Variants in CDC14B observed in about 807,000 individuals in gnomAD.
The protein encoded by CDC14B is dual specificity protein phosphatase CDC14B.
A neutral mutation model predicts 64.2 loss-of-function variants in CDC14B; 22 were observed. That is an observed-to-expected ratio of 0.34 (90% CI 0.24 to 0.49). The LOEUF (loss-of-function observed/expected upper bound fraction) is 0.49, where lower values mean the gene tolerates loss of function less well. CDC14B is among the 20% of genes least tolerant of loss of function. The pLI, the probability that CDC14B is intolerant of heterozygous loss-of-function variation, is 0.99. For missense variants in CDC14B, 498 were observed against 629.9 expected (o/e 0.79, Z 2.24); for synonymous variants, 191 against 215.8 (o/e 0.89, Z 1.01).
chr9:96,505,147 C>T lies in CDC14B; in HGVS notation c.1461-1358G>A, dbSNP rs561107316. On this transcript the variant is annotated intron_variant, in intron 13 of 13. Transcript: ENST00000375241. ...AGTGAGCCAAGATCGCACCACAGCA[C>T]TCCAGCCTGGGTAACAGAGTGAGAC... Among the ~76,000 whole-genome samples, 204 of 151,010 alleles carry T rather than the reference C, an allele frequency of 1.4e-3. 1 individual carries two copies. Among genetic ancestry groups the T allele is most frequent in the Middle Eastern group, 0.01 (3 of 292 alleles).
intron 9 of CDC14B, among the ~76,000 whole-genome samples, chr9:96,526,806 C>T (rs1029246421): frequency 3.9e-5 from 6 of 152,254 alleles, no homozygotes; most frequent in East Asian, 1.9e-4. Flanking sequence ...TTAGCAGCAT[C>T]GCTGATCTCT....
intron 7 of CDC14B, among the ~76,000 whole-genome samples, chr9:96,536,326 T>G (rs1839260956): frequency 6.6e-6 from 1 of 152,182 alleles, no homozygotes; most frequent in Non-Finnish European, 1.5e-5. Flanking sequence ...TATTATTCAT[T>G]AATAGCACAC....
intron 5 of CDC14B, among the ~76,000 whole-genome samples, chr9:96,550,562 G>A (rs573801207): frequency 3.3e-5 from 5 of 152,098 alleles, no homozygotes; most frequent in Non-Finnish European, 7.4e-5. Flanking sequence ...ATCCTAATAC[G>A]ATAAACTAAC....
chr9:96,534,739 TC>T (rs1384376433), intron 7 of CDC14B, among the ~76,000 whole-genome samples, 197 bp from the exon 8 acceptor site: 1 of 152,222 alleles, frequency 6.6e-6, no homozygotes, highest in Non-Finnish European at 1.5e-5. Context: ...CTGTTCCTAA[TC>T]ATCTTCTTTT....
intron 1 of CDC14B, among the ~76,000 whole-genome samples, chr9:96,577,583 T>C (rs184411566): frequency 1.8e-4 from 28 of 152,302 alleles, no homozygotes; most frequent in African/African-American, 5.8e-4. Context: ...GACTGCTTTG[T>C]GGTTAAGTGA....
intron 9 of CDC14B, among the ~76,000 whole-genome samples, chr9:96,526,812 T>C (rs1837638499): frequency 6.6e-6 from 1 of 152,256 alleles, no homozygotes; most frequent in African/African-American, 2.4e-5. Context: ...GCATCGCTGA[T>C]CTCTACCCAC....
chr9:96,497,630 G>A (rs1280132363), downstream of CDC14B, among the ~76,000 whole-genome samples: 1 of 152,204 alleles, frequency 6.6e-6, no homozygotes, highest in Non-Finnish European at 1.5e-5. Context: ...GAGAGGAGCG[G>A]GCAGCGGCGA....
chr9:96,587,724 A>G (rs1845538132), intron 1 of CDC14B, among the ~76,000 whole-genome samples: 1 of 152,188 alleles, frequency 6.6e-6, no homozygotes, highest in South Asian at 2.1e-4. Context: ...AGGCGGCACC[A>G]AGGAAGAGTA....
intron 3 of CDC14B, among the ~76,000 whole-genome samples, chr9:96,564,270 A>G (rs921213482): frequency 2.0e-5 from 3 of 152,212 alleles, no homozygotes; most frequent in African/African-American, 7.2e-5. Context: ...AGCCTTAATG[A>G]CATGCTTATT....
rs16911366 is a variant in CDC14B, at chr9:96,588,260, T to C, written c.161-22777A>G. ...CAAAGGAGTGTGCTGCTTTTACTTA[T>C]AAGCCGGCTTTTACAACAACACATT... On this transcript the variant is annotated intron_variant, in intron 1 of 13. Coordinates refer to ENST00000375241, the MANE Select transcript of CDC14B (RefSeq NM_033331.4). 9.9e-4 allele frequency among the ~76,000 whole-genome samples: 150 copies of C among 152,276 alleles called. 1 individual carries two copies. The Middle Eastern group carries it at 0.01, about 10-fold the overall frequency.
chr9:96,537,794 C>A (rs1174460996), intron 7 of CDC14B, among the ~76,000 whole-genome samples: 1 of 152,092 alleles, frequency 6.6e-6, no homozygotes, highest in East Asian at 1.9e-4. Flanking sequence ...GTGATCTTGG[C>A]TCACGGCAAC....
chr9:96,600,551 G>A (rs2118812574), intron 1 of CDC14B, among the ~76,000 whole-genome samples: 1 of 151,906 alleles, frequency 6.6e-6, no homozygotes, highest in South Asian at 2.1e-4. Context: ...TGCCCAGGCT[G>A]GAGTGCAATG....
In CDC14B at chr9:96,547,653, A is replaced by C. The variant is rs550996912; in HGVS notation, c.497+4143T>G. ...TTCCCCAAAGAGAAATGGTCTTGCT[A>C]TGCTGCAAGGCTGATCTTCCAAATC... On this transcript the variant is annotated intron_variant, in intron 5 of 13. Coordinates refer to ENST00000375241, the MANE Select transcript of CDC14B (RefSeq NM_033331.4). 1.1e-4 allele frequency among the ~76,000 whole-genome samples: 17 copies of C among 152,060 alleles called. No homozygotes were observed. In the South Asian group the frequency reaches 1.9e-3, roughly 17 times the overall value.
intron 9 of CDC14B, among the ~76,000 whole-genome samples, chr9:96,527,017 T>C (rs1162755614): frequency 2.0e-5 from 3 of 152,208 alleles, no homozygotes; most frequent in African/African-American, 7.2e-5. Context: ...ATACATAAAA[T>C]TTACCATTTT....
chr9:96,586,338 G>C (rs1366814249), intron 1 of CDC14B, among the ~76,000 whole-genome samples: 1 of 152,154 alleles, frequency 6.6e-6, no homozygotes, highest in African/African-American at 2.4e-5. Context: ...AACTTTAAAA[G>C]ACCTACCAGA....
At chr9:96,598,751 G>A (rs149500956) in intron 1 of CDC14B, among the ~76,000 whole-genome samples, 1 of 152,054 alleles carries the variant, frequency 6.6e-6, no homozygotes, top group African/African-American at 2.4e-5. Flanking sequence ...GTGCACTTTT[G>A]GAATGTCACC....
chr9:96,508,665 A>T (rs1005107761), intron 13 of CDC14B, among the ~76,000 whole-genome samples: 5 of 152,234 alleles, frequency 3.3e-5, no homozygotes, highest in African/African-American at 1.2e-4. Context: ...TTAAGTGTGC[A>T]GTAAGGTTGT....
intron 1 of CDC14B, among the ~76,000 whole-genome samples, chr9:96,596,817 C>T (rs991378383): frequency 7.9e-5 from 12 of 151,370 alleles, no homozygotes; most frequent in Admixed American, 6.6e-5. Flanking sequence ...TATGATCACG[C>T]CACTACACTC....
intron 1 of CDC14B, among the ~76,000 whole-genome samples, chr9:96,615,501 G>C (rs1477498113): frequency 6.6e-6 from 1 of 152,172 alleles, no homozygotes; most frequent in East Asian, 1.9e-4. Flanking sequence ...AAGGGACTAA[G>C]TTAAAAAATG....
Sources: gnomAD v4.1 joint callset for allele counts (sites outside exome capture counted in the v4.1 genomes callset) on GRCh38, gnomAD v4.1.1 for gene constraint, MANE v1.5 for transcripts, NCBI Gene and HGNC (gene_info 2026-07-23, HGNC 2026-07-21) for gene names.